The following LRRC1 variants were observed in gnomAD, a reference collection of about 807,000 sequenced individuals.
LRRC1 encodes the protein leucine rich repeat containing 1, also known as leucine-rich repeat-containing protein 1.
LRRC1 carries 28 observed loss-of-function variants against 69.9 expected under a neutral mutation model. The observed-to-expected ratio is 0.40, with a 90% CI of 0.30 to 0.55. The LOEUF is 0.55. Ranked by LOEUF, LRRC1 falls within the 20% of genes least tolerant of loss-of-function variation. The pLI is 0.47. For synonymous variants in LRRC1, 236 were observed against 240.2 expected (o/e 0.98, Z 0.16); for missense variants, 498 against 609.0 (o/e 0.82, Z 1.92).
At chr6:53,882,487 A>G (rs978497306) in intron 3 of LRRC1, among the ~76,000 whole-genome samples, 9 of 152,068 alleles carry the variant, frequency 5.9e-5, no homozygotes, top group African/African-American at 2.2e-4. Context: ...GGCTGATGAA[A>G]TTTTCTCTTT....
intron 2 of LRRC1, among the ~76,000 whole-genome samples, chr6:53,869,545 T>G (rs1026912066): frequency 2.6e-5 from 4 of 152,214 alleles, no homozygotes; most frequent in Non-Finnish European, 5.9e-5. Flanking sequence ...ATAGAGATAC[T>G]GTATACCACA....
chr6:53,810,181 C>A (rs1764751025), intron 1 of LRRC1, among the ~76,000 whole-genome samples: 1 of 152,220 alleles, frequency 6.6e-6, no homozygotes, highest in African/African-American at 2.4e-5. Context: ...CTGCCTGATT[C>A]TTGCAGACAC....
At chr6:53,915,908 C>T (rs112154447) in intron 11 of LRRC1, among the ~76,000 whole-genome samples, 34 of 152,248 alleles carry the variant, frequency 2.2e-4, no homozygotes, top group Admixed American at 1.2e-3. Context: ...CTTGCAGAAA[C>T]GTCATACCAT....
At chr6:53,845,213 A>G (rs141373171) in intron 2 of LRRC1, among the ~76,000 whole-genome samples, 8 of 152,282 alleles carry the variant, frequency 5.3e-5, no homozygotes, top group African/African-American at 1.9e-4. Flanking sequence ...CAAACAAACA[A>G]AAGAAAGAAC....
intron 1 of LRRC1, among the ~76,000 whole-genome samples, chr6:53,811,198 A>G (rs1437419534): frequency 4.6e-5 from 7 of 152,326 alleles, no homozygotes; most frequent in African/African-American, 1.7e-4. Context: ...ATAGTGAGTT[A>G]TTCTGAGGGC....
At chr6:53,820,808 T>C (rs1765093917) in intron 1 of LRRC1, among the ~76,000 whole-genome samples, 2 of 152,124 alleles carry the variant, frequency 1.3e-5, no homozygotes, top group African/African-American at 2.4e-5. Context: ...AGTGTACATG[T>C]AGTAAAATTA....
At chr6:53,814,745 G>C (rs1004385039) in intron 1 of LRRC1, among the ~76,000 whole-genome samples, 1 of 152,152 alleles carries the variant, frequency 6.6e-6, no homozygotes, top group Non-Finnish European at 1.5e-5. Flanking sequence ...TGGTCTTTAG[G>C]GGATAAATGT....
At chr6:53,871,586 C>T (rs767040166) in intron 2 of LRRC1, among the ~76,000 whole-genome samples, 14 of 152,082 alleles carry the variant, frequency 9.2e-5, no homozygotes, top group African/African-American at 2.7e-4. Flanking sequence ...TTTTGTAGGT[C>T]GTCTCTTTAT....
Position 53,883,810 on chromosome 6 carries a change from A to G in LRRC1, c.446+834A>G, listed in dbSNP as rs778326733. 99 of 667,180 alleles carry G rather than the reference A, an allele frequency of 1.5e-4. 1 individual carries two copies. The highest frequency in any genetic ancestry group is 1.3e-4 in the Non-Finnish European group (48 of 366,698). The allele number at this position is 667,180 out of a possible 1,614,324, so 41.3% of individuals were successfully genotyped here. ...GTACCTGTCCTGCGTAAGTTCTAAG[A>G]CAGAACAGAAACTTGCTCTTTGAGA... On this transcript the variant is annotated intron_variant, in intron 4 of 13. Coordinates refer to ENST00000370888, the MANE Select transcript of LRRC1 (RefSeq NM_018214.5).
At chr6:53,810,731 T>C (rs1191387740) in intron 1 of LRRC1, among the ~76,000 whole-genome samples, 1 of 152,226 alleles carries the variant, frequency 6.6e-6, no homozygotes, top group African/African-American at 2.4e-5. Context: ...TAATAAAAAT[T>C]AAAGTGATCA....
intron 1 of LRRC1, among the ~76,000 whole-genome samples, chr6:53,796,545 T>A (rs1235324641): frequency 1.3e-5 from 2 of 152,240 alleles, no homozygotes; most frequent in Non-Finnish European, 2.9e-5. Context: ...ACTAGTCAAG[T>A]GTTCTGACTT....
At chr6:53,892,015 C>T (rs62397106) in intron 4 of LRRC1, among the ~76,000 whole-genome samples, 8,777 of 65,940 alleles carry the variant, frequency 0.13, 294 homozygotes, top group African/African-American at 0.17. Flanking sequence ...TATATATACA[C>T]ACACACACAC....
rs1459322158 is a variant in LRRC1 at position 53,892,001 on chromosome 6, T to A, written c.447-4497T>A. On this transcript the variant is annotated intron_variant, in intron 4 of 13. Coordinates refer to ENST00000370888, the MANE Select transcript of LRRC1 (RefSeq NM_018214.5). ...AGTAAGATTCTGTCTAAAAAAAAAA[T>A]ATATATATATACACACACACACACA... is the stretch of plus-strand genomic sequence containing the variant. 1.9e-3 allele frequency among the ~76,000 whole-genome samples: 176 copies of A among 91,534 alleles called. 1 individual carries two copies. The South Asian group carries it at 0.026, about 13-fold the overall frequency. 60.0% of individuals were successfully genotyped at this position (91,534 alleles called of 152,430 possible). A position where few individuals can be genotyped will look rare whatever the true frequency, so the allele number is the denominator to read the frequency against.
chr6:53,883,320 T>C (rs1470486347), intron 4 of LRRC1, among the ~76,000 whole-genome samples: 1 of 152,186 alleles, frequency 6.6e-6, no homozygotes, highest in Non-Finnish European at 1.5e-5. Context: ...AACCACTCAG[T>C]AATTTTAAAC....
chr6:53,896,233 G>C (rs1767867298), intron 4 of LRRC1, among the ~76,000 whole-genome samples: 1 of 152,142 alleles, frequency 6.6e-6, no homozygotes. Context: ...ACATGTACAA[G>C]GTATTTGAAT....
chr6:53,876,860 A>G (rs186895717), intron 2 of LRRC1, among the ~76,000 whole-genome samples: 19 of 152,252 alleles, frequency 1.2e-4, no homozygotes, highest in Admixed American at 7.8e-4. Flanking sequence ...TTCCAGGTGC[A>G]CAGTGCTATC....
chr6:53,890,651 CAAAAAT>C (rs1439932296), intron 4 of LRRC1, among the ~76,000 whole-genome samples: 1 of 152,076 alleles, frequency 6.6e-6, no homozygotes, highest in East Asian at 1.9e-4. Flanking sequence ...ATTTCAAAAA[CAAAAAT>C]AAAGATTTTT....
intron 4 of LRRC1, among the ~76,000 whole-genome samples, chr6:53,891,654 A>G (rs1233979038): frequency 1.3e-5 from 2 of 152,148 alleles, no homozygotes; most frequent in African/African-American, 4.8e-5. Context: ...GATGGGGGAA[A>G]AGAAGAAACT....
chr6:53,851,173 G>GACAC (rs3222575), intron 2 of LRRC1, among the ~76,000 whole-genome samples: 32,429 of 144,530 alleles, frequency 0.22, 3,676 homozygotes, highest in East Asian at 0.33. Context: ...GAACTAATAG[G>GACAC]ACACACACAC....
Sources: allele counts gnomAD v4.1 joint callset (sites outside exome capture counted in the v4.1 genomes callset), GRCh38; gene constraint gnomAD v4.1.1; transcripts MANE v1.5; gene names NCBI Gene and HGNC (gene_info 2026-07-23, HGNC 2026-07-21).